The following MTMR10 variants were observed in gnomAD, a reference collection of about 807,000 sequenced individuals.
MTMR10 encodes the protein myotubularin related protein 10.
Under a neutral mutation model 88.1 loss-of-function variants are expected in MTMR10, and 56 were observed. The ratio of observed to expected loss-of-function variants is 0.64; its 90% CI spans 0.51 to 0.79. The LOEUF (loss-of-function observed/expected upper bound fraction) is 0.79. Ranked by LOEUF, MTMR10 falls within the 30% of genes least tolerant of loss-of-function variation. The pLI is 0.00. For missense variants in MTMR10, 883 were observed against 924.7 expected (o/e 0.95, Z 0.58); for synonymous variants, 380 against 340.9 (o/e 1.11, Z -1.26).
rs956982886 is a variant in MTMR10 at position 30,940,469 on chromosome 15, G to A, written c.*1001C>T. On this transcript the variant is annotated 3_prime_UTR_variant, in exon 16 of 16. Transcript: ENST00000435680. ...CTATGAGAGAAGGACATCTGTGCAG[G>A]TGCCCAACTCGTAACCTCATTAGTT... 2.0e-6 allele frequency: 2 copies of A among 985,288 alleles called. No homozygotes were observed. Among genetic ancestry groups the A allele is most frequent in the Admixed American group, 6.1e-5 (1 of 16,268 alleles). The allele number at this position is 985,288 out of a possible 1,614,324, so 61.0% of individuals were successfully genotyped here. A position where few individuals can be genotyped will look rare whatever the true frequency, so the allele number is the denominator to read the frequency against.
rs1041394278 is a variant in MTMR10 at position 30,974,510 on chromosome 15, T to G, written c.332-54A>C. 8.7e-6 allele frequency: 12 copies of G among 1,384,998 alleles called. No homozygotes were observed. In the East Asian group the frequency reaches 2.9e-4, roughly 34 times the overall value. The allele number at this position is 1,384,998 out of a possible 1,614,324, so 85.8% of individuals were successfully genotyped here. A position where few individuals can be genotyped will look rare whatever the true frequency, so the allele number is the denominator to read the frequency against. On this transcript the variant is annotated intron_variant, in intron 4 of 15. Transcript: ENST00000435680. ...AAAATGCGTAACAGTTATTTGTTAC[T>G]CACCCTTTAATACAAATTCTTAGTG...
Position 30,990,751 on chromosome 15 carries a change from C to G in MTMR10, c.121+26G>C, listed in dbSNP as rs766153004. The G allele has an allele frequency of 3.1e-6, 5 of 1,592,414 alleles. No homozygotes were observed. In the Admixed American group the frequency reaches 8.6e-5, roughly 27 times the overall value. On this transcript the variant is annotated intron_variant, in intron 2 of 15. Coordinates refer to ENST00000435680, the MANE Select transcript of MTMR10 (RefSeq NM_017762.3). ...AAACCAAAATACGTTGCTAAAGTAT[C>G]TGTTAGAATCCTAACTAATGTTTAC... is the stretch of plus-strand genomic sequence containing the variant.
At chr15:30,986,974 T>C (rs1361658232) in intron 2 of MTMR10, among the ~76,000 whole-genome samples, 1 of 152,146 alleles carries the variant, frequency 6.6e-6, no homozygotes, top group Non-Finnish European at 1.5e-5. Context: ...AACACAAACA[T>C]ATATACACAC....
chr15:30,989,536 C>G (rs2031167709), intron 2 of MTMR10, among the ~76,000 whole-genome samples: 1 of 151,576 alleles, frequency 6.6e-6, no homozygotes, highest in African/African-American at 2.4e-5. Flanking sequence ...AGTAATGAGT[C>G]AGATTTTGCA....
At chr15:30,921,899 A>C in the MTMR10 span, among the ~76,000 whole-genome samples, 1 of 152,148 alleles carries the variant, frequency 6.6e-6, no homozygotes, top group Non-Finnish European at 1.5e-5. Flanking sequence ...GGGTTTGCCA[A>C]CTGTGACCAG....
intron 5 of MTMR10, among the ~76,000 whole-genome samples, chr15:30,968,546 C>CACAG (rs761585546): frequency 3.4e-5 from 2 of 58,064 alleles, no homozygotes; most frequent in African/African-American, 8.0e-5. Flanking sequence ...CACACACACA[C>CACAG]ACACACACAC....
chr15:30,945,469 G>A (rs1222200096), intron 14 of MTMR10, among the ~76,000 whole-genome samples: 4 of 152,128 alleles, frequency 2.6e-5, no homozygotes, highest in Admixed American at 6.6e-5. Flanking sequence ...AGTCCTCCAC[G>A]CAGATACCCA....
chr15:30,980,185 A>G (rs2030472573), intron 2 of MTMR10, among the ~76,000 whole-genome samples: 3 of 152,236 alleles, frequency 2.0e-5, no homozygotes, highest in Admixed American at 2.0e-4. Context: ...TTTGATCTGC[A>G]ATGTTGTAGC....
At chr15:30,933,433 A>G in the MTMR10 span, among the ~76,000 whole-genome samples, 3 of 152,202 alleles carry the variant, frequency 2.0e-5, no homozygotes, top group Non-Finnish European at 4.4e-5. Flanking sequence ...AGAGATTTTC[A>G]GGTATCTTTC....
intron 12 of MTMR10, among the ~76,000 whole-genome samples, chr15:30,950,930 C>G (rs2063235786): frequency 6.6e-6 from 1 of 152,146 alleles, no homozygotes; most frequent in African/African-American, 2.4e-5. Context: ...GCTATGTAAA[C>G]AGTTGTTATA....
chr15:30,976,044 C>T (rs1037926253), intron 3 of MTMR10, among the ~76,000 whole-genome samples: 3 of 150,786 alleles, frequency 2.0e-5, no homozygotes, highest in Admixed American at 2.0e-4. Context: ...TAAATCGATA[C>T]TATTCTTCAC....
At chr15:30,945,668 A>C (rs961507310) in intron 14 of MTMR10, among the ~76,000 whole-genome samples, 1 of 152,246 alleles carries the variant, frequency 6.6e-6, no homozygotes, top group African/African-American at 2.4e-5. Context: ...TATGGTGACG[A>C]AAAATAAAAA....
At chr15:30,932,793 A>T in the MTMR10 span, among the ~76,000 whole-genome samples, 3 of 150,136 alleles carry the variant, frequency 2.0e-5, no homozygotes, top group Middle Eastern at 6.9e-3. Flanking sequence ...GCTCACTGCA[A>T]CTTCCGCCTC....
At chr15:30,952,442 G>GT (rs1210435912) in intron 11 of MTMR10, among the ~76,000 whole-genome samples, 1 of 152,136 alleles carries the variant, frequency 6.6e-6, no homozygotes, top group East Asian at 1.9e-4. Flanking sequence ...ACAGCTCATT[G>GT]TAACCCTGAA....
In MTMR10 at chr15:30,942,938, G is replaced by C; in HGVS notation, c.1683C>G (p.Ser561Arg). The C allele has an allele frequency of 6.4e-7, 1 of 1,566,982 alleles. No homozygotes were observed. Among genetic ancestry groups the C allele is most frequent in the Non-Finnish European group, 8.7e-7 (1 of 1,153,586 alleles). Reference sequence around the variant, plus strand: ...CGGAGCCATTCTGTATACAAGGTGTGCTCTTTCCAATGTAGAAGGGGTTAT... The same window carrying C: ...CGGAGCCATTCTGTATACAAGGTGTCCTCTTTCCAATGTAGAAGGGGTTAT... The part of the protein sequence containing the change: ...LFHNPFYIGK[S>R]TPCIQNGSVK... The change falls in exon 15 of 16, where the codon AGC becomes AGG. Residue 561 changes from serine (S) to arginine (R), a missense_variant. Physicochemically the swap from Ser to Arg is moderately radical, Grantham distance 110. This residue lies in a region of MTMR10 where 343 missense variants were observed against 323.2 expected (regional missense o/e 1.06). Coordinates refer to ENST00000435680, the MANE Select transcript of MTMR10 (RefSeq NM_017762.3).
chr15:30,965,955 CT>C, intron 6 of MTMR10: 1 of 447,950 alleles, frequency 2.2e-6, no homozygotes, highest in Non-Finnish European at 4.5e-6. Context: ...GAGTGGGCAT[CT>C]TTCACTCACA....
At chr15:30,936,511 A>T (rs2062857209), downstream of MTMR10, among the ~76,000 whole-genome samples, 1 of 152,208 alleles carries the variant, frequency 6.6e-6, no homozygotes, top group African/African-American at 2.4e-5. Flanking sequence ...CTATACTAAG[A>T]ATCAGTTTAC....
intron 15 of MTMR10, 75 bp downstream of exon 15, chr15:30,942,815 T>G: frequency 7.1e-7 from 1 of 1,409,430 alleles, no homozygotes; most frequent in East Asian, 2.5e-5. Context: ...CCTTTACTTT[T>G]AACGCTCTCT....
At chr15:30,928,661 T>G in the MTMR10 span, 1 of 1,613,950 alleles carries the variant, frequency 6.2e-7, no homozygotes, top group Non-Finnish European at 8.5e-7. Flanking sequence ...TGTCAGGTAC[T>G]CCAGTGCCCC....
Sources: gnomAD v4.1 joint callset for allele counts (sites outside exome capture counted in the v4.1 genomes callset) on GRCh38, gnomAD v4.1.1 for gene constraint, gnomAD v4.1.1 regional missense constraint, MANE v1.5 for transcripts, NCBI Gene and HGNC (gene_info 2026-07-23, HGNC 2026-07-21) for gene names.